Variants in AMOTL1 observed in about 807,000 individuals in gnomAD.
AMOTL1 encodes angiomotin like 1, also known as angiomotin-like protein 1.
Under a neutral mutation model 102.9 loss-of-function variants are expected in AMOTL1, and 45 were observed. That is an observed-to-expected ratio of 0.44 (90% confidence interval 0.34 to 0.56). The LOEUF is 0.56. Ranked by LOEUF, AMOTL1 falls within the 20% of genes least tolerant of loss-of-function variation. The probability of loss-of-function intolerance (pLI) is 0.01; values close to 1 mark genes in which losing one functional copy is unlikely to be tolerated. For synonymous variants in AMOTL1, 481 were observed against 484.7 expected, an observed-to-expected ratio of 0.99 and a Z score of 0.10; for missense variants, 1,114 against 1,225.6, an observed-to-expected ratio of 0.91 and a Z score of 1.36.
intron 2 of AMOTL1, among the ~76,000 whole-genome samples, chr11:94,796,299 G>GTA (rs1397057100): frequency 1.3e-5 from 2 of 152,298 alleles, no homozygotes; most frequent in East Asian, 3.9e-4. Context: ...GTGACAGGGA[G>GTA]AGCCTTATGA....
chr11:94,870,724 AG>A lies in AMOTL1; in HGVS notation c.2801del (p.Arg934LysfsTer18). 1 of 1,604,630 alleles carries A rather than the reference AG, an allele frequency of 6.2e-7. No individual in the cohort carries two copies. The highest frequency in any genetic ancestry group is 8.5e-7 in the Non-Finnish European group (1 of 1,174,870). On this transcript the variant is annotated frameshift_variant, in exon 13 of 13. Coordinates refer to ENST00000433060, the MANE Select transcript of AMOTL1 (RefSeq NM_130847.3). LOFTEE classifies it high-confidence loss of function. ...SPGHGKSPDH[R>X]GRVSSLLHKP... ...TGGCCATGGGAAGTCGCCTGACCACAGAGGCCGGGTCAGCAGCTTGCTGCAC... is the reference window on the plus strand; with the variant it reads ...TGGCCATGGGAAGTCGCCTGACCACAAGGCCGGGTCAGCAGCTTGCTGCAC...
rs977501929 is a variant in AMOTL1 at position 94,870,864 on chromosome 11, A to G, written c.*69A>G. 3.4e-5 allele frequency: 45 copies of G among 1,324,896 alleles called. No individual in the cohort carries two copies. The highest frequency in any genetic ancestry group is 3.8e-5 in the Non-Finnish European group (37 of 965,190). 82.1% of individuals were successfully genotyped at this position (1,324,896 alleles called of 1,614,324 possible). A position where few individuals can be genotyped will look rare whatever the true frequency, so the allele number is the denominator to read the frequency against. On this transcript the variant is annotated 3_prime_UTR_variant, in exon 13 of 13. Coordinates refer to ENST00000433060, the MANE Select transcript of AMOTL1 (RefSeq NM_130847.3). ...GGAAAGCGGCAGAGAAAGAAGAAAG[A>G]CCTAGAAGGTTGTAGATGGGAAATC...
chr11:94,851,189 A>G (rs1283874786), intron 7 of AMOTL1, among the ~76,000 whole-genome samples: 1 of 152,220 alleles, frequency 6.6e-6, no homozygotes, highest in Non-Finnish European at 1.5e-5. Flanking sequence ...CTTGCCACAG[A>G]AAGTGACCTC....
chr11:94,856,655 C>T (rs1166300080), intron 8 of AMOTL1, among the ~76,000 whole-genome samples: 3 of 152,216 alleles, frequency 2.0e-5, no homozygotes, highest in Non-Finnish European at 4.4e-5. Context: ...CTGCCGTCCA[C>T]ACCACACCCT....
chr11:94,757,926 G>T (rs1950746022), intron 3 of AMOTL1, among the ~76,000 whole-genome samples: 1 of 152,192 alleles, frequency 6.6e-6, no homozygotes, highest in Admixed American at 6.5e-5. Flanking sequence ...GCTGAGCATG[G>T]TGGCGCATGC....
chr11:94,795,316 T>G (rs1327727100), intron 2 of AMOTL1, among the ~76,000 whole-genome samples, 156 bp downstream of exon 2: 1 of 152,220 alleles, frequency 6.6e-6, no homozygotes, highest in Non-Finnish European at 1.5e-5. Context: ...TGCCTTATTT[T>G]TAATCATGTT....
intron 3 of AMOTL1, among the ~76,000 whole-genome samples, chr11:94,741,231 CGTGTGTGTGTGTGTGAGTGCGTGTGT>C (rs1950522271): frequency 6.7e-6 from 1 of 149,330 alleles, no homozygotes; most frequent in Non-Finnish European, 1.5e-5. Flanking sequence ...CGTGCGTGTG[CGTGTGTGTGTGTGTGAGTGCGTGTGT>C]GTGCGTGTTC....
At chr11:94,823,378 C>A (rs565751933) in intron 4 of AMOTL1, among the ~76,000 whole-genome samples, 10 of 152,136 alleles carry the variant, frequency 6.6e-5, no homozygotes, top group African/African-American at 1.4e-4. Flanking sequence ...CTCCCACCCC[C>A]TCTTGCACCC....
At chr11:94,719,555 C>A (rs1950144785) in intron 1 of AMOTL1, among the ~76,000 whole-genome samples, 1 of 136,160 alleles carries the variant, frequency 7.3e-6, no homozygotes, top group South Asian at 2.7e-4. Context: ...AGACAAAAAG[C>A]CAGAGCGAAA....
intron 3 of AMOTL1, among the ~76,000 whole-genome samples, chr11:94,744,802 C>T (rs1160072346): frequency 6.6e-6 from 1 of 152,070 alleles, no homozygotes; most frequent in Non-Finnish European, 1.5e-5. Flanking sequence ...TGAAATATCC[C>T]ATATTCTATG....
At chr11:94,804,076 G>A (rs928383182) in intron 3 of AMOTL1, among the ~76,000 whole-genome samples, 13 of 152,148 alleles carry the variant, frequency 8.5e-5, no homozygotes, top group South Asian at 6.2e-4. Flanking sequence ...ATGATAGAGC[G>A]AACATCATCA....
intron 5 of AMOTL1, among the ~76,000 whole-genome samples, chr11:94,830,541 C>A (rs763225870): frequency 6.6e-6 from 1 of 152,226 alleles, no homozygotes; most frequent in Non-Finnish European, 1.5e-5. Context: ...TAATGTTAGA[C>A]GCACAACCCT....
chr11:94,830,640 A>G (rs1358583968), intron 5 of AMOTL1, among the ~76,000 whole-genome samples: 1 of 152,202 alleles, frequency 6.6e-6, no homozygotes, highest in Non-Finnish European at 1.5e-5. Context: ...AGCTAGACAT[A>G]TTTTCCCCCT....
chr11:94,827,734 G>A (rs1189573481), intron 4 of AMOTL1, among the ~76,000 whole-genome samples: 1 of 152,220 alleles, frequency 6.6e-6, no homozygotes, highest in Non-Finnish European at 1.5e-5. Flanking sequence ...GGCTCCAGTT[G>A]GCTGCCGCTA....
At chr11:94,743,045 C>T (rs963576926) in intron 3 of AMOTL1, among the ~76,000 whole-genome samples, 11 of 152,122 alleles carry the variant, frequency 7.2e-5, no homozygotes, top group African/African-American at 2.4e-4. Context: ...TCTATAGCAG[C>T]GTGATGGGAA....
At chr11:94,733,694 T>C (rs1950391127) in intron 2 of AMOTL1, among the ~76,000 whole-genome samples, 1 of 152,240 alleles carries the variant, frequency 6.6e-6, no homozygotes, top group Non-Finnish European at 1.5e-5. Flanking sequence ...ACAGATTTTG[T>C]TTTTTAATAG....
chr11:94,869,294 C>T lies in AMOTL1; in HGVS notation c.2585C>T (p.Ala862Val). Residue 862 changes from alanine (A) to valine (V), a missense_variant, in exon 12 of 13, where the codon GCA (alanine) becomes GTA (valine). By Grantham distance (64) the Ala-to-Val change is moderately conservative. Transcript: ENST00000433060. ...SALSSIASTT[A>V]ASSAHAKTGS... ...CTGTCCTCCATAGCCTCCACTACGG[C>T]AGCCAGCAGTGCCCACGCCAAGACA... 6.2e-7 allele frequency: 1 copy of T among 1,613,132 alleles called. No homozygotes were observed. Among genetic ancestry groups the T allele is most frequent in the Non-Finnish European group, 8.5e-7 (1 of 1,179,566 alleles).
Position 94,827,273 on chromosome 11 carries a change from A to C in AMOTL1, c.1414-2777A>C, listed in dbSNP as rs570295789. Among the ~76,000 whole-genome samples, 623 of 152,292 alleles carry C rather than the reference A, an allele frequency of 4.1e-3. 2 individuals carry two copies. Among genetic ancestry groups the C allele is most frequent in the Non-Finnish European group, 7.5e-3 (513 of 68,014 alleles). On this transcript the variant is annotated intron_variant, in intron 4 of 12. Coordinates refer to ENST00000433060, the MANE Select transcript of AMOTL1 (RefSeq NM_130847.3). ...CCAAGAGAAGGGTCCCTGTGGGTGTAGCTAAGGAAGCCTCGCTAGTTGTCC... is the reference window on the plus strand; with the variant it reads ...CCAAGAGAAGGGTCCCTGTGGGTGTCGCTAAGGAAGCCTCGCTAGTTGTCC...
At chr11:94,846,219 G>T (rs1952407931) in intron 6 of AMOTL1, among the ~76,000 whole-genome samples, 1 of 152,140 alleles carries the variant, frequency 6.6e-6, no homozygotes, top group South Asian at 2.1e-4. Flanking sequence ...ATAGCACCCT[G>T]TGCATGCATC....
Sources: gnomAD v4.1 joint callset for allele counts (sites outside exome capture counted in the v4.1 genomes callset) on GRCh38, gnomAD v4.1.1 for gene constraint, MANE v1.5 for transcripts, NCBI Gene and HGNC (gene_info 2026-07-23, HGNC 2026-07-21) for gene names.